The following HIVEP3 variants were observed in gnomAD, a reference collection of about 807,000 sequenced individuals.
HIVEP3 encodes the protein transcription factor HIVEP3.
A neutral mutation model predicts 152.8 loss-of-function variants in HIVEP3; 49 were observed. The observed-to-expected ratio is 0.32, with a 90% CI of 0.26 to 0.41. HIVEP3 has a LOEUF of 0.41. Ranked by LOEUF, HIVEP3 falls within the 10% of genes least tolerant of loss-of-function variation. The pLI, the probability that HIVEP3 is intolerant of heterozygous loss-of-function variation, is 1.00. For missense variants in HIVEP3, 2,790 were observed against 3,103.3 expected (o/e 0.90, Z 2.40); for synonymous variants, 1,269 against 1,289.0 (o/e 0.98, Z 0.33).
In HIVEP3 at chr1:41,643,890, CTTT is replaced by C. The variant is rs58838768; in HGVS notation, c.-720-14946_-720-14944del. On this transcript the variant is annotated intron_variant, in intron 2 of 8. Coordinates refer to ENST00000372583, the MANE Select transcript of HIVEP3 (RefSeq NM_024503.5). ...CAAATTGTGTCTGCCTTCCCATCCT[CTTT>C]TTTTTTTTTTTTTGACAGGGTCTGG... Among the ~76,000 whole-genome samples the C allele has an allele frequency of 3.4e-3, 244 of 71,962 alleles. 4 individuals carry two copies. Among genetic ancestry groups the C allele is most frequent in the African/African-American group, 0.014 (233 of 16,332 alleles). The allele number at this position is 71,962 out of a possible 152,430, so 47.2% of individuals were successfully genotyped here.
At chr1:41,905,449 G>A (rs569040833) in intron 1 of HIVEP3, among the ~76,000 whole-genome samples, 7 of 152,152 alleles carry the variant, frequency 4.6e-5, no homozygotes, top group Non-Finnish European at 8.8e-5. Context: ...GGGATCTGAC[G>A]TGTGCATTCC....
chr1:41,578,706 T>G (rs1644358927), intron 4 of HIVEP3, among the ~76,000 whole-genome samples: 1 of 152,202 alleles, frequency 6.6e-6, no homozygotes, highest in Non-Finnish European at 1.5e-5. Flanking sequence ...CTCTTTGGAG[T>G]CAGATAGGTC....
At chr1:41,603,999 A>G (rs1394677484) in intron 3 of HIVEP3, among the ~76,000 whole-genome samples, 2 of 152,276 alleles carry the variant, frequency 1.3e-5, no homozygotes, top group Admixed American at 6.5e-5. Flanking sequence ...CACATTCACC[A>G]TAACAGCTAA....
In HIVEP3 at chr1:41,731,716, T is replaced by C. The variant is rs186408748; in HGVS notation, c.-800-30721A>G. Among the ~76,000 whole-genome samples, 86 of 152,250 alleles carry C rather than the reference T, an allele frequency of 5.6e-4. 1 individual carries two copies. Among genetic ancestry groups the C allele is most frequent in the African/African-American group, 1.8e-3 (75 of 41,542 alleles). On this transcript the variant is annotated intron_variant, in intron 1 of 8. Coordinates refer to ENST00000372583, the MANE Select transcript of HIVEP3 (RefSeq NM_024503.5). ...ACATGCCAAGCCTGTGAGGGAGCCA[T>C]CTGGAAAGGGAGTCTTCCAGCCCCA...
At chr1:41,712,109 T>C (rs139981352) in intron 1 of HIVEP3, among the ~76,000 whole-genome samples, 6 of 152,338 alleles carry the variant, frequency 3.9e-5, no homozygotes, top group Admixed American at 3.3e-4. Flanking sequence ...CACTTTATTC[T>C]ACTGCTTCAA....
At chr1:41,847,537 T>C (rs959226241) in intron 1 of HIVEP3, 5 of 152,266 alleles carry the variant, frequency 3.3e-5, no homozygotes, top group African/African-American at 1.2e-4. Context: ...TCTTTTTATT[T>C]GTCTACACTT....
chr1:41,973,402 T>A (rs1045671644), intron 1 of HIVEP3, among the ~76,000 whole-genome samples: 3 of 152,204 alleles, frequency 2.0e-5, no homozygotes, highest in African/African-American at 4.8e-5. Flanking sequence ...TGAGGTAGGA[T>A]CTGCTTCCAA....
Position 41,727,076 on chromosome 1 carries a change from G to C in HIVEP3, c.-800-26081C>G, listed in dbSNP as rs1244821979. ...CAGGTGTGGGCGCCCAGTGTTGGGG[G>C]AGAAGACTGCAGGCACAGAAGACTG... On this transcript the variant is annotated intron_variant, in intron 1 of 8. Coordinates refer to ENST00000372583, the MANE Select transcript of HIVEP3 (RefSeq NM_024503.5). 3.9e-5 allele frequency among the ~76,000 whole-genome samples: 6 copies of C among 152,230 alleles called. No individual in the cohort carries two copies. The East Asian group carries it at 5.8e-4, about 15-fold the overall frequency.
chr1:41,638,758 C>A (rs1276736457), intron 2 of HIVEP3, among the ~76,000 whole-genome samples: 1 of 152,220 alleles, frequency 6.6e-6, no homozygotes, highest in Non-Finnish European at 1.5e-5. Flanking sequence ...TCTCCACCAA[C>A]ACATCAAAGC....
intron 1 of HIVEP3, among the ~76,000 whole-genome samples, chr1:41,725,692 C>G (rs1353538917): frequency 5.3e-5 from 8 of 152,162 alleles, no homozygotes; most frequent in African/African-American, 1.7e-4. Flanking sequence ...CAGTGACCCC[C>G]AAAAGACAGG....
At chr1:41,654,144 C>T (rs1272574850) in intron 2 of HIVEP3, among the ~76,000 whole-genome samples, 1 of 152,100 alleles carries the variant, frequency 6.6e-6, no homozygotes, top group Non-Finnish European at 1.5e-5. Flanking sequence ...GTTATAGCAT[C>T]AAGTGAAATT....
chr1:41,619,470 G>A (rs6600384), intron 3 of HIVEP3, among the ~76,000 whole-genome samples: 85,984 of 152,084 alleles, frequency 0.57, 24,417 homozygotes, highest in Non-Finnish European at 0.59. Flanking sequence ...GTGTAGTGAC[G>A]ATATGTTTGT....
intron 1 of HIVEP3, among the ~76,000 whole-genome samples, chr1:41,777,253 T>C (rs1558260542): frequency 6.6e-6 from 1 of 152,204 alleles, no homozygotes; most frequent in Non-Finnish European, 1.5e-5. Flanking sequence ...TCTATGCTTC[T>C]GATTGTCCCC....
chr1:41,592,656 G>C (rs1264029978), intron 3 of HIVEP3, among the ~76,000 whole-genome samples: 1 of 152,194 alleles, frequency 6.6e-6, no homozygotes, highest in South Asian at 2.1e-4. Flanking sequence ...TGGCTTCTCT[G>C]GGGGAAGGGC....
At chr1:41,587,854 G>T (rs1010181171) in intron 3 of HIVEP3, among the ~76,000 whole-genome samples, 2 of 152,204 alleles carry the variant, frequency 1.3e-5, no homozygotes, top group Non-Finnish European at 2.9e-5. Flanking sequence ...TCTGTGGCAT[G>T]ATGCGCACTG....
intron 1 of HIVEP3, among the ~76,000 whole-genome samples, chr1:41,970,726 T>C (rs1256697012): frequency 6.6e-6 from 1 of 152,124 alleles, no homozygotes; most frequent in Non-Finnish European, 1.5e-5. Context: ...ATGAGCTCAT[T>C]ACGGTGAGCC....
intron 1 of HIVEP3, among the ~76,000 whole-genome samples, chr1:41,975,762 A>G (rs1026581154): frequency 6.6e-6 from 1 of 152,208 alleles, no homozygotes; most frequent in African/African-American, 2.4e-5. Flanking sequence ...GAGGTTCCAG[A>G]ATGGGTGATA....
intron 1 of HIVEP3, among the ~76,000 whole-genome samples, chr1:41,996,389 C>CAAAA (rs55853325): frequency 1.9e-4 from 27 of 141,862 alleles, no homozygotes; most frequent in African/African-American, 6.2e-4. Context: ...GAACCTATCT[C>CAAAA]AAAAAAAAAA....
At chr1:41,781,070 T>C (rs116901746) in intron 1 of HIVEP3, among the ~76,000 whole-genome samples, 1 of 152,240 alleles carries the variant, frequency 6.6e-6, no homozygotes, top group East Asian at 1.9e-4. Flanking sequence ...ACAAACAGGG[T>C]TGTGCAGTAA....
Sources: gnomAD v4.1 joint callset for allele counts (sites outside exome capture counted in the v4.1 genomes callset) on GRCh38, gnomAD v4.1.1 for gene constraint, MANE v1.5 for transcripts, NCBI Gene and HGNC (gene_info 2026-07-23, HGNC 2026-07-21) for gene names.